Variants in PRKCH observed in about 807,000 individuals in gnomAD.
The protein encoded by PRKCH is protein kinase C eta type.
In PRKCH, 28 loss-of-function variants were observed where a neutral mutation model predicts 82.5. The observed-to-expected ratio is 0.34, with a 90% confidence interval of 0.25 to 0.47. The LOEUF is 0.47. PRKCH is among the 20% of genes least tolerant of loss of function. The pLI, the probability that PRKCH is intolerant of heterozygous loss-of-function variation, is 1.00. For synonymous variants in PRKCH, 322 were observed against 327.4 expected, an observed-to-expected ratio of 0.98 and a Z score of 0.18; for missense variants, 705 against 881.8, an observed-to-expected ratio of 0.80 and a Z score of 2.54.
chr14:61,486,808 C>G (rs1886246851), intron 10 of PRKCH, among the ~76,000 whole-genome samples: 1 of 152,024 alleles, frequency 6.6e-6, no homozygotes, highest in East Asian at 1.9e-4. Flanking sequence ...GTCACCACAC[C>G]CAGCTCACAT....
At chr14:61,416,989 A>C (rs2140240427) in intron 2 of PRKCH, among the ~76,000 whole-genome samples, 1 of 152,274 alleles carries the variant, frequency 6.6e-6, no homozygotes, top group Admixed American at 6.5e-5. Context: ...GGACAACAGG[A>C]AAATTGCCAC....
chr14:61,356,145 T>G (rs1174633241), intron 1 of PRKCH, among the ~76,000 whole-genome samples: 1 of 151,980 alleles, frequency 6.6e-6, no homozygotes, highest in Non-Finnish European at 1.5e-5. Flanking sequence ...AAAGAGGAAG[T>G]GGAGGGGGGT....
intron 1 of PRKCH, among the ~76,000 whole-genome samples, chr14:61,267,610 C>T (rs1212739566): frequency 6.6e-6 from 1 of 152,130 alleles, no homozygotes; most frequent in Non-Finnish European, 1.5e-5. Context: ...TTTTAGTATT[C>T]GTTTACATCA....
chr14:61,196,434 C>T (rs940848990), intron 1 of PRKCH, among the ~76,000 whole-genome samples: 1 of 152,142 alleles, frequency 6.6e-6, no homozygotes, highest in African/African-American at 2.4e-5. Flanking sequence ...TCTGCTCAGC[C>T]GTCACTACCA....
chr14:61,512,023 T>C (rs1362615636), intron 10 of PRKCH, among the ~76,000 whole-genome samples: 1 of 152,172 alleles, frequency 6.6e-6, no homozygotes, highest in East Asian at 1.9e-4. Context: ...ATCTTGAATT[T>C]TGGTAAATTT....
intron 2 of PRKCH, among the ~76,000 whole-genome samples, chr14:61,427,368 T>C (rs1234956920): frequency 2.0e-5 from 3 of 152,114 alleles, no homozygotes; most frequent in African/African-American, 4.8e-5. Context: ...AGACAATAGA[T>C]GGCAAATGTT....
intron 5 of PRKCH, among the ~76,000 whole-genome samples, chr14:61,449,900 CTGTGTG>C (rs57980810): frequency 1.4e-4 from 5 of 36,894 alleles, no homozygotes; most frequent in African/African-American, 2.2e-4. Flanking sequence ...CTCTCTCTCT[CTGTGTG>C]TGTGTGTGTG....
chr14:61,490,114 A>G (rs530713829), intron 10 of PRKCH, among the ~76,000 whole-genome samples: 3 of 152,292 alleles, frequency 2.0e-5, no homozygotes, highest in African/African-American at 4.8e-5. Context: ...AGCTGTTGGC[A>G]TGCTGGGTGC....
At chr14:61,239,864 C>A (rs576928937) in intron 1 of PRKCH, among the ~76,000 whole-genome samples, 1 of 152,282 alleles carries the variant, frequency 6.6e-6, no homozygotes, top group African/African-American at 2.4e-5. Flanking sequence ...GAAGTCTGCA[C>A]TGGGGGTAGC....
chr14:61,238,699 C>G (rs1042583941), intron 1 of PRKCH, among the ~76,000 whole-genome samples: 2 of 152,128 alleles, frequency 1.3e-5, no homozygotes, highest in African/African-American at 4.8e-5. Flanking sequence ...TTCTTAATAA[C>G]CATTTAAAAA....
At chr14:61,370,735 C>A (rs2046355493) in intron 1 of PRKCH, among the ~76,000 whole-genome samples, 1 of 152,052 alleles carries the variant, frequency 6.6e-6, no homozygotes, top group Non-Finnish European at 1.5e-5. Context: ...GTATTTCTGT[C>A]TTCTACTTCT....
intron 1 of PRKCH, among the ~76,000 whole-genome samples, chr14:61,258,898 A>G (rs931969680): frequency 1.3e-5 from 2 of 152,180 alleles, no homozygotes; most frequent in African/African-American, 4.8e-5. Context: ...TTTTTAACAT[A>G]TTGGAATGTT....
Position 61,453,479 on chromosome 14 carries a change from C to CCTTT in PRKCH, c.960+141_960+144dup, listed in dbSNP as rs10569436. 126 of 922,574 alleles carry CCTTT rather than the reference C, an allele frequency of 1.4e-4. 1 individual carries two copies. Among genetic ancestry groups the CCTTT allele is most frequent in the South Asian group, 4.9e-4 (18 of 36,426 alleles). 57.1% of individuals were successfully genotyped at this position (922,574 alleles called of 1,614,324 possible). On this transcript the variant is annotated intron_variant, in intron 7 of 13. Coordinates refer to ENST00000332981, the MANE Select transcript of PRKCH (RefSeq NM_006255.5). ...GCAAATACAATAAACAGACTTATTG[C>CCTTT]CTTTCTTTCTTTCTTTCTCTTTCTT...
chr14:61,281,250 G>A, intron 1 of PRKCH: 2 of 672,278 alleles, frequency 3.0e-6, no homozygotes, highest in Non-Finnish European at 4.2e-6. Context: ...CTCGCGGGTC[G>A]GGTTTCCCGC....
At chr14:61,539,759 G>A (rs2043158164) in intron 12 of PRKCH, among the ~76,000 whole-genome samples, 1 of 151,802 alleles carries the variant, frequency 6.6e-6, no homozygotes, top group African/African-American at 2.4e-5. Context: ...AGAAAGAAAA[G>A]AGTCCCTTGA....
rs370958600 is a variant in PRKCH, at chr14:61,249,652, C to T, written c.-19+61984C>T. On this transcript the variant is annotated intron_variant, in intron 1 of 3. Transcript: ENST00000555185. ...TTTTTATTGTTTTGAGACAGAGTCT[C>T]GCTCTGTCTCCAGGCTGGAGTGCAG... Among the ~76,000 whole-genome samples, 7 of 151,744 alleles carry T rather than the reference C, an allele frequency of 4.6e-5. No homozygotes were observed. In the South Asian group the frequency reaches 1.3e-3, roughly 27 times the overall value.
chr14:61,511,776 A>G (rs561498114), intron 10 of PRKCH, among the ~76,000 whole-genome samples: 11 of 152,294 alleles, frequency 7.2e-5, no homozygotes, highest in African/African-American at 2.6e-4. Flanking sequence ...TTACAGGAGG[A>G]GAGATAGCAC....
rs151067289 is a variant in PRKCH at position 61,285,408 on chromosome 14, C to T, written c.-19+97740C>T. Among the ~76,000 whole-genome samples, 419 of 152,274 alleles carry T rather than the reference C, an allele frequency of 2.8e-3. 3 individuals are homozygous for T. Among genetic ancestry groups the T allele is most frequent in the African/African-American group, 9.8e-3 (408 of 41,554 alleles). On this transcript the variant is annotated intron_variant, in intron 1 of 3. Transcript: ENST00000555185. The stretch of plus-strand genomic sequence containing the variant: ...AAGTTCAGATTCTACCCTGAAAGTT[C>T]CTTAGGATATAACTGTGTGACCTTG...
At chr14:61,290,409 T>A (rs1287137949) in intron 1 of PRKCH, among the ~76,000 whole-genome samples, 1 of 152,134 alleles carries the variant, frequency 6.6e-6, no homozygotes, top group Non-Finnish European at 1.5e-5. Context: ...CTCAGTGAGT[T>A]CCTAGGATTG....
Sources: allele counts gnomAD v4.1 joint callset (sites outside exome capture counted in the v4.1 genomes callset), GRCh38; gene constraint gnomAD v4.1.1; transcripts MANE v1.5; gene names NCBI Gene and HGNC (gene_info 2026-07-23, HGNC 2026-07-21).